Variants in RGS20 observed in about 807,000 individuals in gnomAD.
RGS20 encodes gz-selective GTPase-activating protein.
In RGS20, 30 loss-of-function variants were observed where a neutral mutation model predicts 33.6. The ratio of observed to expected loss-of-function variants is 0.89; its 90% CI spans 0.67 to 1.21. The LOEUF (loss-of-function observed/expected upper bound fraction) is 1.21. Ranked by LOEUF, RGS20 falls within the 50% of genes most tolerant of loss-of-function variation. The probability of loss-of-function intolerance (pLI) is 0.00; values close to 1 mark genes in which losing one functional copy is unlikely to be tolerated. For missense variants in RGS20, 472 were observed against 502.4 expected, an observed-to-expected ratio of 0.94 and a Z score of 0.58; for synonymous variants, 208 against 197.9, an observed-to-expected ratio of 1.05 and a Z score of -0.43.
intron 2 of RGS20, among the ~76,000 whole-genome samples, chr8:53,885,845 C>G (rs1812528335): frequency 7.2e-6 from 1 of 139,340 alleles, no homozygotes. Flanking sequence ...GAATACCCTA[C>G]TCTTGAATAC....
At chr8:53,944,769 A>G (rs1814422559) in intron 3 of RGS20, among the ~76,000 whole-genome samples, 1 of 152,206 alleles carries the variant, frequency 6.6e-6, no homozygotes, top group South Asian at 2.1e-4. Flanking sequence ...CCATTTCAAT[A>G]ATAAAATGCA....
At chr8:53,895,648 CTT>C (rs564840669) in intron 2 of RGS20, among the ~76,000 whole-genome samples, 41 of 142,504 alleles carry the variant, frequency 2.9e-4, no homozygotes, top group Non-Finnish European at 2.9e-4. Context: ...CTTTTTATTC[CTT>C]TTTTTTTTTT....
At chr8:53,872,604 C>T (rs1233854706) in intron 1 of RGS20, among the ~76,000 whole-genome samples, 1 of 152,106 alleles carries the variant, frequency 6.6e-6, no homozygotes, top group Admixed American at 6.5e-5. Context: ...TTTCTGTTTC[C>T]GCTGTTCTCT....
intron 2 of RGS20, among the ~76,000 whole-genome samples, chr8:53,936,936 C>T (rs1814152387): frequency 6.6e-6 from 1 of 152,106 alleles, no homozygotes; most frequent in African/African-American, 2.4e-5. Context: ...TCAGAAATAA[C>T]ACCACACATC....
intron 3 of RGS20, among the ~76,000 whole-genome samples, chr8:53,946,330 T>C (rs1174074163): frequency 1.3e-5 from 2 of 152,186 alleles, no homozygotes; most frequent in South Asian, 2.1e-4. Flanking sequence ...CCCAAAGTGC[T>C]GGGGTTACAG....
intron 1 of RGS20, among the ~76,000 whole-genome samples, chr8:53,861,831 A>C (rs1317759560): frequency 6.6e-6 from 1 of 152,216 alleles, no homozygotes; most frequent in Non-Finnish European, 1.5e-5. Flanking sequence ...CCTTGTCTTA[A>C]AAATACCTGC....
intron 3 of RGS20, among the ~76,000 whole-genome samples, chr8:53,945,930 A>G (rs1291641696): frequency 6.6e-6 from 1 of 152,158 alleles, no homozygotes; most frequent in Non-Finnish European, 1.5e-5. Flanking sequence ...ATAACCAGTT[A>G]CAAGATGAGA....
At chr8:53,924,658 TTTG>T (rs961855038) in intron 2 of RGS20, among the ~76,000 whole-genome samples, 6 of 152,168 alleles carry the variant, frequency 3.9e-5, no homozygotes, top group African/African-American at 1.4e-4. Context: ...TTCATTCTTT[TTTG>T]TTGTTGATCT....
intron 2 of RGS20, among the ~76,000 whole-genome samples, 186 bp from the exon 2 acceptor site, chr8:53,939,390 G>A (rs565987248): frequency 2.0e-4 from 31 of 152,302 alleles, no homozygotes; most frequent in African/African-American, 7.5e-4. Flanking sequence ...GAGGATAAGC[G>A]TTACATGTTG....
intron 2 of RGS20, among the ~76,000 whole-genome samples, chr8:53,911,889 C>T (rs139338574): frequency 3.9e-5 from 6 of 152,152 alleles, no homozygotes; most frequent in East Asian, 1.9e-4. Flanking sequence ...CGCAATTAGC[C>T]GAGATTGGGC....
intron 1 of RGS20, among the ~76,000 whole-genome samples, chr8:53,874,795 A>G (rs1676232016): frequency 1.3e-5 from 2 of 152,196 alleles, no homozygotes; most frequent in Admixed American, 1.3e-4. Flanking sequence ...TTGTATAAGG[A>G]CACCAGTCAT....
At position 53,879,367 on chromosome 8, in the gene RGS20, G is replaced by A. The variant is rs767015361; in HGVS notation, c.275G>A (p.Arg92Gln). 2.4e-5 allele frequency: 39 copies of A among 1,611,134 alleles called. 1 individual carries two copies. The South Asian group carries it at 3.7e-4, about 15-fold the overall frequency. Residue 92 changes from arginine to glutamine, a missense_variant, in exon 2 of 6, where the codon CGA (arginine) becomes CAA (glutamine). Transcript: ENST00000297313. ...AGGTTCTTCTCTCACCTTCTCCGGC[G>A]ACCCCCTCCCGAGGCTCCCCGGAGG... is the stretch of plus-strand genomic sequence containing the variant.
intron 2 of RGS20, among the ~76,000 whole-genome samples, chr8:53,935,474 C>T (rs1250053843): frequency 2.6e-5 from 4 of 152,172 alleles, no homozygotes; most frequent in Non-Finnish European, 5.9e-5. Context: ...ATATTATAAA[C>T]ACCTCTACAC....
intron 5 of RGS20, among the ~76,000 whole-genome samples, chr8:53,956,220 G>C (rs910763230): frequency 6.6e-6 from 1 of 152,192 alleles, no homozygotes; most frequent in Non-Finnish European, 1.5e-5. Flanking sequence ...TGTGATCACT[G>C]CAAGTATACA....
chr8:53,917,039 T>A (rs1373487355), intron 2 of RGS20, among the ~76,000 whole-genome samples: 1 of 152,206 alleles, frequency 6.6e-6, no homozygotes, highest in East Asian at 1.9e-4. Context: ...TTAATGAATT[T>A]TGTGGTAGAC....
intron 1 of RGS20, among the ~76,000 whole-genome samples, chr8:53,875,093 G>C (rs1285148602): frequency 6.6e-6 from 1 of 152,170 alleles, no homozygotes; most frequent in Non-Finnish European, 1.5e-5. Context: ...AGAAAGCTCG[G>C]AGAAGAATAA....
At chr8:53,952,058 ATTTAT>A (rs767750669) in intron 4 of RGS20, among the ~76,000 whole-genome samples, 5 of 149,242 alleles carry the variant, frequency 3.4e-5, no homozygotes, top group African/African-American at 4.9e-5. Flanking sequence ...TATGTTTGAC[ATTTAT>A]TTTATTTTAT....
In RGS20 at chr8:53,903,938, G is replaced by A. The variant is rs531462558; in HGVS notation, c.510+24336G>A. On this transcript the variant is annotated intron_variant, in intron 2 of 5. Transcript: ENST00000297313. Reference sequence around the variant, plus strand: ...GAGATGTTAACTAGGGCCATATCACGTGGAGAAGAACAGGGCAGATGTGAG... The same window carrying A: ...GAGATGTTAACTAGGGCCATATCACATGGAGAAGAACAGGGCAGATGTGAG... 7.8e-4 allele frequency among the ~76,000 whole-genome samples: 118 copies of A among 152,220 alleles called. 1 individual carries two copies. The highest frequency in any genetic ancestry group is 2.5e-3 in the Admixed American group (38 of 15,278).
At chr8:53,929,676 AT>A (rs1349869530) in intron 2 of RGS20, among the ~76,000 whole-genome samples, 1 of 152,192 alleles carries the variant, frequency 6.6e-6, no homozygotes, top group African/African-American at 2.4e-5. Flanking sequence ...ATCAAAAAAA[AT>A]GTTTAATAAC....
Sources: gnomAD v4.1 joint callset for allele counts (sites outside exome capture counted in the v4.1 genomes callset) on GRCh38, gnomAD v4.1.1 for gene constraint, MANE v1.5 for transcripts, NCBI Gene and HGNC (gene_info 2026-07-23, HGNC 2026-07-21) for gene names.